The following CAMK2D variants were observed in gnomAD, a reference collection of about 807,000 sequenced individuals.
CAMK2D encodes the protein calcium/calmodulin-dependent protein kinase type II subunit delta.
Under a neutral mutation model 84.0 loss-of-function variants are expected in CAMK2D, and 37 were observed. The ratio of observed to expected loss-of-function variants is 0.44; its 90% confidence interval spans 0.34 to 0.58. The LOEUF is 0.58. CAMK2D is among the 20% of genes least tolerant of loss of function. The pLI is 0.02. For missense variants in CAMK2D, 448 were observed against 652.5 expected, an observed-to-expected ratio of 0.69 and a Z score of 3.41; for synonymous variants, 202 against 212.5, an observed-to-expected ratio of 0.95 and a Z score of 0.43.
At chr4:113,609,744 C>T (rs1024732412) in intron 3 of CAMK2D, among the ~76,000 whole-genome samples, 4 of 152,172 alleles carry the variant, frequency 2.6e-5, no homozygotes, top group African/African-American at 9.7e-5. Flanking sequence ...AGGTGGCACT[C>T]CCTGGCCAAC....
At chr4:113,630,197 G>C (rs2099083890) in intron 3 of CAMK2D, among the ~76,000 whole-genome samples, 1 of 152,176 alleles carries the variant, frequency 6.6e-6, no homozygotes, top group Non-Finnish European at 1.5e-5. Flanking sequence ...GGAGGACAAA[G>C]CATAAAATAG....
At chr4:113,753,303 A>G (rs1594166451) in intron 2 of CAMK2D, among the ~76,000 whole-genome samples, 2 of 152,112 alleles carry the variant, frequency 1.3e-5, no homozygotes, top group Admixed American at 6.5e-5. Flanking sequence ...ATTATTATTA[A>G]TGATGAAGAT....
rs2097295608 is a variant in CAMK2D, at chr4:113,455,710, G to A, written c.*29+16C>T. 7.0e-7 allele frequency: 1 copy of A among 1,426,694 alleles called. No homozygotes were observed. The highest frequency in any genetic ancestry group is 9.9e-7 in the Non-Finnish European group (1 of 1,012,292). The allele number at this position is 1,426,694 out of a possible 1,614,324, so 88.4% of individuals were successfully genotyped here. A position where few individuals can be genotyped will look rare whatever the true frequency, so the allele number is the denominator to read the frequency against. ...AGCTCCAGTCACAAAGTATCACGGAGCAGGATGTTACTTACAAGACCCATA... is the reference window on the plus strand; with the variant it reads ...AGCTCCAGTCACAAAGTATCACGGAACAGGATGTTACTTACAAGACCCATA... On this transcript the variant is annotated intron_variant, in intron 20 of 20. Coordinates refer to ENST00000511664, the MANE Select transcript of CAMK2D (RefSeq NM_001321571.2).
At chr4:113,749,459 A>AG (rs1462497452) in intron 2 of CAMK2D, among the ~76,000 whole-genome samples, 1 of 152,188 alleles carries the variant, frequency 6.6e-6, no homozygotes, top group Non-Finnish European at 1.5e-5. Flanking sequence ...ACTAAAAAAA[A>AG]TCAAATATCC....
At chr4:113,489,984 G>T (rs74697663) in intron 16 of CAMK2D, among the ~76,000 whole-genome samples, 2 of 150,640 alleles carry the variant, frequency 1.3e-5, no homozygotes, top group Non-Finnish European at 3.0e-5. Context: ...CTTTTTGATG[G>T]GGTTGTTTGT....
chr4:113,542,742 C>T (rs963225735), intron 6 of CAMK2D, among the ~76,000 whole-genome samples: 3 of 151,752 alleles, frequency 2.0e-5, no homozygotes, highest in Non-Finnish European at 2.9e-5. Flanking sequence ...TTACTAAGTA[C>T]TTCTCATCTC....
At position 113,493,832 on chromosome 4, in the gene CAMK2D, T is replaced by C. The variant is rs553288523; in HGVS notation, c.1135+6631A>G. On this transcript the variant is annotated intron_variant, in intron 16 of 20. Transcript: ENST00000511664. The stretch of plus-strand genomic sequence containing the variant: ...CATAGTCCCATATTTCTTGGAGGCT[T>C]TGCTCATTTCTTTTTATTCTTTTTT... 2.6e-5 allele frequency among the ~76,000 whole-genome samples: 4 copies of C among 151,934 alleles called. No homozygotes were observed. The East Asian group carries it at 5.8e-4, about 22-fold the overall frequency.
intron 3 of CAMK2D, among the ~76,000 whole-genome samples, chr4:113,646,907 C>T (rs1441889382): frequency 6.6e-6 from 1 of 152,148 alleles, no homozygotes; most frequent in African/African-American, 2.4e-5. Flanking sequence ...TTAAAACCTT[C>T]CCAAATGAAA....
At chr4:113,648,631 C>A (rs146391314) in intron 3 of CAMK2D, among the ~76,000 whole-genome samples, 5 of 152,326 alleles carry the variant, frequency 3.3e-5, no homozygotes, top group Non-Finnish European at 7.3e-5. Context: ...AATAAGTGCT[C>A]AACCACAGTT....
chr4:113,616,614 G>C (rs112351191), intron 3 of CAMK2D, among the ~76,000 whole-genome samples: 8 of 152,152 alleles, frequency 5.3e-5, no homozygotes. Flanking sequence ...ACTGTTGACT[G>C]TATGGGTATC....
At chr4:113,649,936 G>A (rs2099166353) in intron 3 of CAMK2D, among the ~76,000 whole-genome samples, 1 of 151,876 alleles carries the variant, frequency 6.6e-6, no homozygotes, top group East Asian at 2.0e-4. Context: ...ACAAAAATTA[G>A]CTGTGTGTGG....
At chr4:113,714,292 T>A (rs1029664588) in intron 2 of CAMK2D, among the ~76,000 whole-genome samples, 5 of 152,114 alleles carry the variant, frequency 3.3e-5, no homozygotes, top group Non-Finnish European at 7.4e-5. Context: ...CAATACCACA[T>A]TCTTTTATTT....
chr4:113,632,699 T>A (rs565564803), intron 3 of CAMK2D, among the ~76,000 whole-genome samples: 28 of 152,292 alleles, frequency 1.8e-4, no homozygotes, highest in African/African-American at 6.3e-4. Flanking sequence ...TGTCCTGTCA[T>A]ACTATTATAC....
chr4:113,490,738 G>A (rs1166465546), intron 16 of CAMK2D, among the ~76,000 whole-genome samples: 1 of 148,490 alleles, frequency 6.7e-6, no homozygotes, highest in Non-Finnish European at 1.5e-5. Flanking sequence ...TGGGCAGTAT[G>A]GTCATTTTCA....
chr4:113,689,244 C>CA (rs11420532), intron 2 of CAMK2D, among the ~76,000 whole-genome samples: 11,239 of 149,610 alleles, frequency 0.075, 498 homozygotes, highest in African/African-American at 0.12. Context: ...GACTCCATCT[C>CA]AAAAAAAAAT....
chr4:113,642,788 C>T (rs1051394030), intron 3 of CAMK2D, among the ~76,000 whole-genome samples: 3 of 151,778 alleles, frequency 2.0e-5, no homozygotes, highest in African/African-American at 7.3e-5. Context: ...CACCAACTGC[C>T]CACCAGGGCA....
intron 4 of CAMK2D, among the ~76,000 whole-genome samples, chr4:113,604,383 C>T (rs1029861453): frequency 2.0e-5 from 3 of 152,122 alleles, no homozygotes; most frequent in Admixed American, 2.0e-4. Context: ...ATCTGTTATG[C>T]TCTCTTTTCA....
At chr4:113,748,338 T>C (rs2099609367) in intron 2 of CAMK2D, among the ~76,000 whole-genome samples, 1 of 152,020 alleles carries the variant, frequency 6.6e-6, no homozygotes, top group Non-Finnish European at 1.5e-5. Flanking sequence ...TCACGCTCCT[T>C]AAAATTCAAT....
chr4:113,528,814 T>C (rs1413540217), intron 8 of CAMK2D, among the ~76,000 whole-genome samples: 1 of 152,218 alleles, frequency 6.6e-6, no homozygotes, highest in Admixed American at 6.5e-5. Flanking sequence ...GATCTATGTA[T>C]GCTGGGAGCT....
Sources: gnomAD v4.1 joint callset for allele counts (sites outside exome capture counted in the v4.1 genomes callset) on GRCh38, gnomAD v4.1.1 for gene constraint, MANE v1.5 for transcripts, NCBI Gene and HGNC (gene_info 2026-07-23, HGNC 2026-07-21) for gene names.